The following BTD variants were observed in gnomAD, a reference collection of about 807,000 sequenced individuals.
BTD encodes biotinidase.
Under a neutral mutation model 17.7 loss-of-function variants are expected in BTD, and 13 were observed. The observed-to-expected ratio is 0.74, with a 90% CI of 0.48 to 1.17. The LOEUF is 1.17. Ranked by LOEUF, BTD falls within the 50% of genes most tolerant of loss-of-function variation. BTD has a pLI of 0.00. For missense variants in BTD, 674 were observed against 650.4 expected, an observed-to-expected ratio of 1.04 and a Z score of -0.39; for synonymous variants, 240 against 245.2, an observed-to-expected ratio of 0.98 and a Z score of 0.20.
At chr3:15,713,499 A>G (rs1225106449), downstream of BTD, 2 of 1,555,968 alleles carry the variant, frequency 1.3e-6, no homozygotes, top group Non-Finnish European at 1.8e-6. Context: ...TGCCTGTATC[A>G]GTTATCAACA....
intron 3 of BTD, among the ~76,000 whole-genome samples, chr3:15,671,320 G>A (rs1169482173): frequency 2.0e-5 from 3 of 152,168 alleles, no homozygotes; most frequent in Non-Finnish European, 2.9e-5. Context: ...CAGTCTTGAG[G>A]ACGGAGCGGG....
Position 15,707,179 on chromosome 3 carries a change from T to C in BTD, c.400-2881T>C, listed in dbSNP as rs538942353. On this transcript the variant is annotated intron_variant, in intron 3 of 3. Coordinates refer to the BTD transcript ENST00000672141. ...ATTTCTGCCAATGGTATTTTTACTT[T>C]TCACTGACCCACACCATAGGGAATT... is the stretch of plus-strand genomic sequence containing the variant. 2.0e-5 allele frequency among the ~76,000 whole-genome samples: 3 copies of C among 152,304 alleles called. No homozygotes were observed. The South Asian group carries it at 6.2e-4, about 32-fold the overall frequency.
intron 3 of BTD, chr3:15,668,368 T>C (rs1220915809): frequency 6.6e-6 from 1 of 152,092 alleles, no homozygotes; most frequent in Admixed American, 6.6e-5. Flanking sequence ...TTTTTTTTTT[T>C]CAAAAGGTAC....
intron 3 of BTD, chr3:15,695,099 C>T: frequency 1.9e-6 from 2 of 1,063,748 alleles, no homozygotes; most frequent in South Asian, 1.4e-5. Flanking sequence ...AAAACACTTT[C>T]AGCTCTAATG....
chr3:15,695,982 C>G (rs1369127250), intron 3 of BTD, among the ~76,000 whole-genome samples: 1 of 152,006 alleles, frequency 6.6e-6, no homozygotes, highest in Non-Finnish European at 1.5e-5. Context: ...ATATATCTTA[C>G]TAAAGCAAGT....
chr3:15,614,125 C>CTT (rs869148702), intron 1 of BTD, among the ~76,000 whole-genome samples: 2 of 125,338 alleles, frequency 1.6e-5, no homozygotes, highest in Non-Finnish European at 3.2e-5. Flanking sequence ...TTCTTTCTTT[C>CTT]TTTTTTTTTT....
In BTD at chr3:15,671,532, G is replaced by A. The variant is rs116042197; in HGVS notation, c.399+29475G>A. 6.2e-3 allele frequency among the ~76,000 whole-genome samples: 942 copies of A among 151,786 alleles called. 12 individuals are homozygous for A. Among genetic ancestry groups the A allele is most frequent in the African/African-American group, 0.021 (869 of 41,326 alleles). ...AATGGTAACTACTATCCTGACTTAT[G>A]GGGTAGTAATTTCCTTGCTTTCAAC... On this transcript the variant is annotated intron_variant, in intron 3 of 3. Transcript: ENST00000672141.
intron 1 of BTD, among the ~76,000 whole-genome samples, chr3:15,611,451 T>C (rs1188226562): frequency 6.6e-6 from 1 of 152,196 alleles, no homozygotes; most frequent in Non-Finnish European, 1.5e-5. Context: ...AAAAATGCCT[T>C]CTTTTACTAT....
intron 2 of BTD, among the ~76,000 whole-genome samples, chr3:15,638,970 C>T (rs1342535716): frequency 6.6e-6 from 1 of 152,218 alleles, no homozygotes; most frequent in African/African-American, 2.4e-5. Flanking sequence ...AAAATGTCAT[C>T]ATGCAGTGCA....
In BTD at chr3:15,651,960, T is replaced by A. The variant is rs2065812102; in HGVS notation, c.*6472T>A. ...ATCCGTTGTACAACACTTCCCACAT[T>A]TTTCTGGGGTCGTTTTGTGTAACCA... On this transcript the variant is annotated 3_prime_UTR_variant, in exon 4 of 4. Coordinates refer to ENST00000643237, the MANE Select transcript of BTD (RefSeq NM_001370658.1). 1.3e-5 allele frequency among the ~76,000 whole-genome samples: 2 copies of A among 152,180 alleles called. No homozygotes were observed.
At chr3:15,678,409 G>GA in intron 3 of BTD, 1 of 1,494,164 alleles carries the variant, frequency 6.7e-7, no homozygotes, top group Non-Finnish European at 9.0e-7. Flanking sequence ...ATATATGCTG[G>GA]AAAAATATTC....
chr3:15,643,469 C>G lies in BTD; in HGVS notation c.400-847C>G, dbSNP rs1400719901. On this transcript the variant is annotated intron_variant, in intron 3 of 3. Coordinates refer to ENST00000643237, the MANE Select transcript of BTD (RefSeq NM_001370658.1). ...TGAGCCAAGATTGTGCCACTGCACT[C>G]CAGCCTGGGCGACAGAGCCAGACCC... Among the ~76,000 whole-genome samples, 4 of 152,236 alleles carry G rather than the reference C, an allele frequency of 2.6e-5. No individual in the cohort carries two copies. The East Asian group carries it at 7.7e-4, about 29-fold the overall frequency.
chr3:15,673,488 C>G (rs73034223), intron 3 of BTD, among the ~76,000 whole-genome samples: 323 of 152,278 alleles, frequency 2.1e-3, no homozygotes, highest in Admixed American at 5.6e-3. Context: ...AGCTTACATT[C>G]ACTTTAGTGG....
chr3:15,706,987 C>T (rs1240711265), intron 3 of BTD, among the ~76,000 whole-genome samples: 2 of 152,088 alleles, frequency 1.3e-5, no homozygotes, highest in African/African-American at 2.4e-5. Context: ...AAAAAAGTTA[C>T]TTATAAAAAT....
chr3:15,687,955 G>A (rs2068334135), intron 3 of BTD, among the ~76,000 whole-genome samples: 1 of 152,156 alleles, frequency 6.6e-6, no homozygotes, highest in Admixed American at 6.5e-5. Context: ...AACCCTCAGT[G>A]TTCTTTTCAT....
intron 3 of BTD, among the ~76,000 whole-genome samples, chr3:15,687,333 A>T (rs563668029): frequency 7.1e-6 from 1 of 141,406 alleles, no homozygotes; most frequent in African/African-American, 2.9e-5. Flanking sequence ...ATTTCAAATG[A>T]TATATATATA....
intron 3 of BTD, among the ~76,000 whole-genome samples, chr3:15,706,336 T>C (rs981341340): frequency 4.0e-5 from 6 of 150,982 alleles, no homozygotes; most frequent in Non-Finnish European, 5.9e-5. Flanking sequence ...TGAGAACATG[T>C]GGTGTTTGGT....
At chr3:15,696,718 A>G (rs977369055) in intron 3 of BTD, among the ~76,000 whole-genome samples, 3 of 152,212 alleles carry the variant, frequency 2.0e-5, no homozygotes, top group African/African-American at 7.2e-5. Flanking sequence ...GTCAGAACTC[A>G]ATGAATCTGA....
chr3:15,712,299 A>C, exon 4 of BTD: 1 of 1,184,220 alleles, frequency 8.4e-7, no homozygotes, highest in Non-Finnish European at 1.2e-6. Flanking sequence ...TTACAAAGAG[A>C]CCACTTAAGT....
Sources: gnomAD v4.1 joint callset for allele counts (sites outside exome capture counted in the v4.1 genomes callset) on GRCh38, gnomAD v4.1.1 for gene constraint, MANE v1.5 for transcripts, NCBI Gene and HGNC (gene_info 2026-07-23, HGNC 2026-07-21) for gene names.